EPG5: variants seen among roughly 807,000 people sequenced by gnomAD.
The protein encoded by EPG5 is ectopic P-granules 5 autophagy tethering factor.
Under a neutral mutation model 302.7 loss-of-function variants are expected in EPG5, and 159 were observed. That is an observed-to-expected ratio of 0.53 (90% confidence interval 0.46 to 0.60). The LOEUF is 0.60. Among genes scored for constraint, EPG5 ranks in the 20% least tolerant of loss-of-function variants. The probability of loss-of-function intolerance (pLI) is 0.00; values close to 1 mark genes in which losing one functional copy is unlikely to be tolerated. For missense variants in EPG5, 2,896 were observed against 3,092.4 expected, an observed-to-expected ratio of 0.94 and a Z score of 1.51; for synonymous variants, 1,158 against 1,136.8, an observed-to-expected ratio of 1.02 and a Z score of -0.37.
chr18:45,926,439 T>C (rs945156001), intron 13 of EPG5, among the ~76,000 whole-genome samples: 1 of 152,212 alleles, frequency 6.6e-6, no homozygotes, highest in Non-Finnish European at 1.5e-5. Context: ...CTTTTATATG[T>C]ATTTGAAATA....
chr18:45,953,685 G>A, intron 2 of EPG5: 4 of 985,228 alleles, frequency 4.1e-6, no homozygotes, highest in Non-Finnish European at 4.8e-6. Flanking sequence ...CCCTTCCTTT[G>A]GGGGCTCTGT....
At chr18:45,927,593 T>TATACACACACAC (rs751518256) in intron 13 of EPG5, among the ~76,000 whole-genome samples, 2 of 133,426 alleles carry the variant, frequency 1.5e-5, no homozygotes, top group African/African-American at 5.9e-5. Flanking sequence ...CAAAAAGTTA[T>TATACACACACAC]ACACACACAC....
chr18:45,837,868 C>CCGCCA, the EPG5 span: 3 of 1,533,184 alleles, frequency 2.0e-6, no homozygotes, highest in East Asian at 7.9e-5. Flanking sequence ...GCTACGAGAG[C>CCGCCA]CGCCACGGCG....
chr18:45,896,581 G>A (rs2049481600), intron 27 of EPG5, among the ~76,000 whole-genome samples: 1 of 150,846 alleles, frequency 6.6e-6, no homozygotes, highest in Admixed American at 6.6e-5. Context: ...GTCTCACTCT[G>A]TTGCCCAGGC....
intron 9 of EPG5, among the ~76,000 whole-genome samples, chr18:45,941,134 C>T (rs1031476987): frequency 7.2e-5 from 11 of 152,024 alleles, no homozygotes; most frequent in Non-Finnish European, 1.3e-4. Context: ...CCCTGAGACA[C>T]TCTAACATTA....
chr18:45,923,966 T>G (rs1014662364), intron 14 of EPG5, among the ~76,000 whole-genome samples: 1 of 150,570 alleles, frequency 6.6e-6, no homozygotes, highest in Non-Finnish European at 1.5e-5. Context: ...AGGCAGAGGT[T>G]GCAGTGAGCC....
intron 9 of EPG5, 59 bp downstream of exon 9, chr18:45,943,102 G>A: frequency 6.6e-7 from 1 of 1,524,628 alleles, no homozygotes; most frequent in African/African-American, 1.4e-5. Context: ...CAATTATGCA[G>A]TATCTGTGTC....
chr18:45,909,700 G>A (rs1238140505), intron 23 of EPG5, among the ~76,000 whole-genome samples: 1 of 152,180 alleles, frequency 6.6e-6, no homozygotes, highest in African/African-American at 2.4e-5. Context: ...ATATTTTTGG[G>A]AGATTACTAG....
In EPG5 at chr18:45,928,915, G is replaced by C. The variant is rs1312845136; in HGVS notation, c.2507C>G (p.Ser836Cys). 2 of 1,613,898 alleles carry C rather than the reference G, an allele frequency of 1.2e-6. No homozygotes were observed. Among genetic ancestry groups the C allele is most frequent in the Non-Finnish European group, 1.7e-6 (2 of 1,179,962 alleles). ...CTCTTGAACTCTATCCAGAAGGACGGAAATTATCTCAGGGTGAACAGCTGT... is the reference window on the plus strand; with the variant it reads ...CTCTTGAACTCTATCCAGAAGGACGCAAATTATCTCAGGGTGAACAGCTGT... ...TITAVHPEII[S>C]VLLDRVQETI... The change falls in exon 13 of 44, where the codon TCC (serine) becomes TGC (cysteine). Residue 836 changes from serine (S) to cysteine (C), a missense_variant. Around this residue, in one of 5 missense-constraint regions of EPG5, gnomAD observed 1,390 missense variants for 1,430.0 expected, o/e 0.97. Transcript: ENST00000282041.
At chr18:45,810,649 C>G in the EPG5 span, among the ~76,000 whole-genome samples, 1 of 152,032 alleles carries the variant, frequency 6.6e-6, no homozygotes, top group African/African-American at 2.4e-5. Context: ...GGCATTGTGG[C>G]GCACACCTGT....
intron 17 of EPG5, 21 bp from the exon 18 acceptor site, chr18:45,916,603 C>A (rs368304513): frequency 6.3e-7 from 1 of 1,575,950 alleles, no homozygotes; most frequent in Non-Finnish European, 8.7e-7. Context: ...CACAGGAGGA[C>A]GCACTTTACC....
chr18:45,899,500 C>G lies in EPG5; in HGVS notation c.4713G>C (p.Lys1571Asn). The part of the protein sequence containing the change: ...LDGELLDTMP[K>N]QYVNREEQTT... The stretch of plus-strand genomic sequence containing the variant: ...TCTGTTCTTCACGATTCACATACTG[C>G]TTTGGCATTGTGTCTAACAGCTCAC... The change falls in exon 27 of 44, where the codon AAG becomes AAC. Residue 1571 changes from lysine (K) to asparagine (N), a missense_variant. Physicochemically the swap from Lys to Asn is moderately conservative, Grantham distance 94. Around this residue, in one of 5 missense-constraint regions of EPG5, gnomAD observed 790 missense variants for 798.0 expected, o/e 0.99. Coordinates refer to ENST00000282041, the MANE Select transcript of EPG5 (RefSeq NM_020964.3). 2 of 1,614,200 alleles carry G rather than the reference C, an allele frequency of 1.2e-6. No homozygotes were observed. The highest frequency in any genetic ancestry group is 1.7e-6 in the Non-Finnish European group (2 of 1,180,034).
chr18:45,939,888 C>T (rs2050624150), intron 9 of EPG5, 133 bp from the exon 10 acceptor site: 2 of 788,802 alleles, frequency 2.5e-6, no homozygotes, highest in Non-Finnish European at 3.9e-6. Flanking sequence ...TGTCCAGGTT[C>T]TGAAACTAAT....
intron 39 of EPG5, among the ~76,000 whole-genome samples, chr18:45,860,771 T>C (rs796862720): frequency 1.3e-5 from 2 of 152,316 alleles, no homozygotes; most frequent in African/African-American, 4.8e-5. Context: ...CCGCTGTCAA[T>C]ATTCTAGGGT....
chr18:45,917,770 G>A lies in EPG5; in HGVS notation c.3148C>T (p.Gln1050Ter). Residue 1050 changes from glutamine (Q) to a stop codon, truncating the protein, a stop_gained, in exon 17 of 44, where the codon CAG (glutamine) becomes TAG (stop). Coordinates refer to ENST00000282041, the MANE Select transcript of EPG5 (RefSeq NM_020964.3). LOFTEE classifies it high-confidence loss of function. ...ACCACTGTTCTCAAATGTCTTGACT[G>A]GACCAGAATTCCCAATAGTGGGATG... The part of the protein sequence containing the change: ...EGIPLLGILV[Q>*]SRHLRTVVHV... 6.2e-7 allele frequency: 1 copy of A among 1,614,064 alleles called. No homozygotes were observed. The highest frequency in any genetic ancestry group is 8.5e-7 in the Non-Finnish European group (1 of 1,179,946).
At chr18:45,870,497 C>A in intron 36 of EPG5, 70 bp downstream of exon 36, 2 of 1,409,984 alleles carry the variant, frequency 1.4e-6, no homozygotes, top group East Asian at 2.3e-5. Context: ...TGCCTAACAA[C>A]CACAGTGACC....
At chr18:45,801,748 G>T in the EPG5 span, among the ~76,000 whole-genome samples, 2 of 152,150 alleles carry the variant, frequency 1.3e-5, no homozygotes, top group African/African-American at 4.8e-5. Flanking sequence ...AGGGGTACAG[G>T]AAACTGCATT....
chr18:45,954,036 T>G, intron 2 of EPG5: 1 of 505,980 alleles, frequency 2.0e-6, no homozygotes. Flanking sequence ...TTGCTAACAT[T>G]TGCAAATTAG....
At chr18:45,820,665 CAA>C in the EPG5 span, among the ~76,000 whole-genome samples, 4 of 152,142 alleles carry the variant, frequency 2.6e-5, no homozygotes, top group Non-Finnish European at 5.9e-5. Flanking sequence ...TCATCTTCAT[CAA>C]ATCAAACCTG....
Sources: allele counts gnomAD v4.1 joint callset (sites outside exome capture counted in the v4.1 genomes callset), GRCh38; gene constraint gnomAD v4.1.1; regional missense constraint gnomAD v4.1.1; transcripts MANE v1.5; gene names NCBI Gene and HGNC (gene_info 2026-07-23, HGNC 2026-07-21).